The following PDE5A variants were observed in gnomAD, a reference collection of about 807,000 sequenced individuals.
The protein encoded by PDE5A is cGMP-specific 3',5'-cyclic phosphodiesterase.
PDE5A carries 67 observed loss-of-function variants against 110.2 expected under a neutral mutation model. That is an observed-to-expected ratio of 0.61 (90% CI 0.50 to 0.75). PDE5A has a LOEUF of 0.75. Among genes scored for constraint, PDE5A ranks in the 30% least tolerant of loss-of-function variants. PDE5A has a pLI of 0.00. For synonymous variants in PDE5A, 328 were observed against 351.2 expected (o/e 0.93, Z 0.74); for missense variants, 862 against 1,045.1 (o/e 0.82, Z 2.42).
intron 11 of PDE5A, among the ~76,000 whole-genome samples, chr4:119,537,134 G>A (rs1023684623): frequency 2.0e-5 from 3 of 152,014 alleles, no homozygotes; most frequent in African/African-American, 4.8e-5. Context: ...CTGTGCCTCC[G>A]CCTTTGCCTA....
At chr4:119,507,821 G>A (rs1214689221) in intron 15 of PDE5A, 117 bp from the exon 16 acceptor site, 11 of 675,736 alleles carry the variant, frequency 1.6e-5, no homozygotes, top group Admixed American at 1.6e-4. Context: ...GAATGTGGAG[G>A]ACACACTTAA....
intron 3 of PDE5A, among the ~76,000 whole-genome samples, chr4:119,577,960 C>T (rs958944027): frequency 6.6e-5 from 10 of 152,214 alleles, no homozygotes; most frequent in Non-Finnish European, 1.3e-4. Flanking sequence ...CCAAAAATCT[C>T]CTTAAGCTGA....
chr4:119,551,745 T>A (rs868176366), intron 9 of PDE5A: 9 of 152,286 alleles, frequency 5.9e-5, no homozygotes, highest in Middle Eastern at 3.4e-3. Flanking sequence ...AAAACTCTCA[T>A]TCAATAAAAT....
chr4:119,625,729 T>A (rs1055914689), intron 1 of PDE5A, among the ~76,000 whole-genome samples: 8 of 150,114 alleles, frequency 5.3e-5, no homozygotes, highest in Non-Finnish European at 7.4e-5. Flanking sequence ...GCTCCTACTT[T>A]TAAAAAAAAA....
chr4:119,608,019 G>C (rs183576040), intron 1 of PDE5A, among the ~76,000 whole-genome samples: 1 of 152,222 alleles, frequency 6.6e-6, no homozygotes, highest in Non-Finnish European at 1.5e-5. Flanking sequence ...ACAAATATTT[G>C]TCTAAATTTG....
At chr4:119,559,587 T>C (rs932536996) in intron 7 of PDE5A, among the ~76,000 whole-genome samples, 4 of 152,086 alleles carry the variant, frequency 2.6e-5, no homozygotes, top group South Asian at 2.1e-4. Context: ...AAATCTTCTT[T>C]CCAAAAAGGA....
chr4:119,622,379 A>C (rs1730181063), intron 1 of PDE5A, among the ~76,000 whole-genome samples: 1 of 152,124 alleles, frequency 6.6e-6, no homozygotes, highest in African/African-American at 2.4e-5. Context: ...CATGATATCA[A>C]ATGGTGATCC....
intron 7 of PDE5A, among the ~76,000 whole-genome samples, chr4:119,553,996 A>G (rs1412447982): frequency 1.3e-5 from 2 of 152,158 alleles, no homozygotes; most frequent in Non-Finnish European, 2.9e-5. Context: ...CCTTATTCTC[A>G]TCGCAAATGG....
rs10010097 is a variant in PDE5A, at chr4:119,519,258, T to C, written c.1906-119A>G. 4.8e-3 allele frequency: 3,405 copies of C among 705,072 alleles called. 79 individuals are homozygous for C. In the African/African-American group the frequency reaches 0.052, roughly 11 times the overall value. 43.7% of individuals were successfully genotyped at this position (705,072 alleles called of 1,614,324 possible). On this transcript the variant is annotated intron_variant, in intron 13 of 20. Transcript: ENST00000354960. ...TCAGTGCTTTACATACATACTTCTC[T>C]ATAGTCACAAAGGACTAACCCTAGA...
chr4:119,519,053 G>A lies in PDE5A; in HGVS notation c.1992C>T (p.Tyr664=). The A allele has an allele frequency of 3.7e-6, 6 of 1,609,468 alleles. No homozygotes were observed. Among genetic ancestry groups the A allele is most frequent in the Non-Finnish European group, 4.3e-6 (5 of 1,175,838 alleles). Residue 664 remains tyrosine, a synonymous_variant, in exon 14 of 21, where the codon TAC becomes TAT. Coordinates refer to ENST00000354960, the MANE Select transcript of PDE5A (RefSeq NM_001083.4). ...TACTGGGAAAGTCTTACCGCTGTATGTAAGAGTTATTCACACCACGGTGAT... is the reference window on the plus strand; with the variant it reads ...TACTGGGAAAGTCTTACCGCTGTATATAAGAGTTATTCACACCACGGTGAT... ...DLDHRGVNNS[Y]IQRSEHPLAQ... is the part of the protein sequence containing the mutation.
chr4:119,601,302 T>C (rs1172720182), intron 2 of PDE5A, among the ~76,000 whole-genome samples: 1 of 151,966 alleles, frequency 6.6e-6, no homozygotes, highest in Non-Finnish European at 1.5e-5. Context: ...TGGCCAATAA[T>C]GTAATCAATC....
chr4:119,585,614 A>C (rs1728733614), intron 3 of PDE5A, among the ~76,000 whole-genome samples: 5 of 152,190 alleles, frequency 3.3e-5, no homozygotes, highest in Non-Finnish European at 7.3e-5. Context: ...TATATGTTCT[A>C]TATAATAAAT....
At chr4:119,615,295 T>G (rs891710446) in intron 1 of PDE5A, among the ~76,000 whole-genome samples, 5 of 152,144 alleles carry the variant, frequency 3.3e-5, no homozygotes, top group African/African-American at 1.2e-4. Context: ...TGAGTCAAAT[T>G]AGAAAATGCA....
rs150578909 is a variant in PDE5A, at chr4:119,522,797, T to C, written c.1780-1737A>G. 4.7e-3 allele frequency among the ~76,000 whole-genome samples: 667 copies of C among 140,756 alleles called. 6 individuals are homozygous for C. The highest frequency in any genetic ancestry group is 0.015 in the African/African-American group (605 of 39,480). 92.3% of individuals were successfully genotyped at this position (140,756 alleles called of 152,430 possible). The stretch of plus-strand genomic sequence containing the variant: ...TCTGGTAAGTTCTCAGTGGATATGC[T>C]GGACACCATTAAAATTTGTAAGACA... On this transcript the variant is annotated intron_variant, in intron 12 of 20. Transcript: ENST00000354960.
At position 119,607,205 on chromosome 4, in the gene PDE5A, G is replaced by A. The variant is rs368435146; in HGVS notation, c.245C>T (p.Pro82Leu). The change falls in exon 2 of 21, where the codon CCC becomes CTC. Residue 82 changes from proline (P) to leucine (L), a missense_variant. Pro to Leu is a moderately conservative substitution (Grantham distance 98). Coordinates refer to ENST00000354960, the MANE Select transcript of PDE5A (RefSeq NM_001083.4). ...ATCTGCACGAGGACTCTGCTGCAAGGGACAAGAGCAAGATTCGGTGTGGCC... is the reference window on the plus strand; with the variant it reads ...ATCTGCACGAGGACTCTGCTGCAAGAGACAAGAGCAAGATTCGGTGTGGCC... ...IRGHTESCSC[P>L]LQQSPRADNS... is the part of the protein sequence containing the mutation. 6.2e-7 allele frequency: 1 copy of A among 1,614,076 alleles called. No homozygotes were observed. The highest frequency in any genetic ancestry group is 8.5e-7 in the Non-Finnish European group (1 of 1,180,002).
chr4:119,507,500 G>C (rs1725594488), intron 16 of PDE5A, 104 bp downstream of exon 16: 1 of 737,048 alleles, frequency 1.4e-6, no homozygotes, highest in African/African-American at 1.8e-5. Flanking sequence ...AAGCAGTTTT[G>C]CCAGGACATT....
At chr4:119,535,503 T>G (rs898143005) in intron 11 of PDE5A, among the ~76,000 whole-genome samples, 1 of 152,186 alleles carries the variant, frequency 6.6e-6, no homozygotes, top group Non-Finnish European at 1.5e-5. Flanking sequence ...GTTTTTCAGA[T>G]AATAAATAAG....
rs1018306222 is a variant in PDE5A at position 119,525,016 on chromosome 4, C to T, written c.1779+533G>A. Among the ~76,000 whole-genome samples, 10 of 151,968 alleles carry T rather than the reference C, an allele frequency of 6.6e-5. No homozygotes were observed. The highest frequency in any genetic ancestry group is 2.2e-4 in the African/African-American group (9 of 41,370). ...CTAAAAGCTTGGCCTCCCATCAGGC[C>T]CCTTTATTTCCTCCTTCATTTTCAA... On this transcript the variant is annotated intron_variant, in intron 12 of 20. Coordinates refer to ENST00000354960, the MANE Select transcript of PDE5A (RefSeq NM_001083.4). This position sits in a 1 kb window ranked among gnomAD's most constrained non-coding sequence, Gnocchi z 4.3.
intron 1 of PDE5A, among the ~76,000 whole-genome samples, chr4:119,613,454 G>A (rs1373782282): frequency 6.6e-6 from 1 of 151,906 alleles, no homozygotes; most frequent in African/African-American, 2.4e-5. Context: ...AGAATAATGA[G>A]CAACTCCAGA....
Sources: allele counts gnomAD v4.1 joint callset (sites outside exome capture counted in the v4.1 genomes callset), GRCh38; gene constraint gnomAD v4.1.1; non-coding constraint Gnocchi (gnomAD v3.1); transcripts MANE v1.5; gene names NCBI Gene and HGNC (gene_info 2026-07-23, HGNC 2026-07-21).